The following IL13RA1 variants were observed in gnomAD, a reference collection of about 807,000 sequenced individuals.
The protein encoded by IL13RA1 is interleukin-13 receptor subunit alpha-1.
In IL13RA1, 14 loss-of-function variants were observed where a neutral mutation model predicts 33.8. The ratio of observed to expected loss-of-function variants is 0.41; its 90% confidence interval spans 0.27 to 0.65. The LOEUF (loss-of-function observed/expected upper bound fraction) is 0.65, where lower values mean the gene tolerates loss of function less well. Among genes scored for constraint, IL13RA1 ranks in the 30% least tolerant of loss-of-function variants. IL13RA1 has a pLI of 0.28. For synonymous variants in IL13RA1, 116 were observed against 115.7 expected (o/e 1.00, Z -0.02); for missense variants, 313 against 327.0 (o/e 0.96, Z 0.33).
At chrX:118,733,074 T>C (rs187679998) in intron 1 of IL13RA1, among the ~76,000 whole-genome samples, 1 of 112,395 alleles carries the variant, frequency 8.9e-6, no homozygotes, top group East Asian at 2.8e-4. Flanking sequence ...GTTGCTTCCA[T>C]GTTTTAGCAA....
At chrX:118,763,480 G>A (rs1397925076) in intron 6 of IL13RA1, among the ~76,000 whole-genome samples, 1 of 112,404 alleles carries the variant, frequency 8.9e-6, no homozygotes, top group Non-Finnish European at 1.9e-5. Flanking sequence ...GTAACGCTAA[G>A]ACTTGGATTC....
intron 2 of IL13RA1, among the ~76,000 whole-genome samples, chrX:118,745,204 C>T (rs1336572520): frequency 4.5e-5 from 5 of 111,773 alleles, no homozygotes; most frequent in Non-Finnish European, 9.4e-5. Context: ...TGGTGCATTT[C>T]ATCCCTGTCG....
At chrX:118,728,422 T>G (rs2017180609) in intron 1 of IL13RA1, among the ~76,000 whole-genome samples, 1 of 111,703 alleles carries the variant, frequency 9.0e-6, no homozygotes, top group Admixed American at 9.5e-5. Context: ...TAATTGTAGA[T>G]TTATGGAAAA....
rs776923747 is a variant in IL13RA1 at position 118,728,995 on chromosome X, G to T, written c.88+1269G>T. On this transcript the variant is annotated intron_variant, in intron 1 of 10. Transcript: ENST00000371666. ...AGCTTGTCAGTCAATAATTATTCAG[G>T]TGTCTGCCTTATTTAGTACTGAGTC... Among the ~76,000 whole-genome samples, 12 of 111,933 alleles carry T rather than the reference G, an allele frequency of 1.1e-4. No individual in the cohort carries two copies. The South Asian group carries it at 4.5e-3, about 42-fold the overall frequency.
chrX:118,796,562 G>A (rs1372528381), downstream of IL13RA1, among the ~76,000 whole-genome samples: 2 of 111,897 alleles, frequency 1.8e-5, no homozygotes, highest in African/African-American at 6.5e-5. Context: ...TTTGAGACGG[G>A]ATTTTGCTCG....
intron 1 of IL13RA1, among the ~76,000 whole-genome samples, chrX:118,734,611 A>G (rs1174594246): frequency 8.9e-6 from 1 of 112,286 alleles, no homozygotes; most frequent in African/African-American, 3.2e-5. Flanking sequence ...AATGTGGTAT[A>G]TTACATTGAT....
chrX:118,790,747 T>C (rs768909774), intron 10 of IL13RA1, among the ~76,000 whole-genome samples: 1 of 112,066 alleles, frequency 8.9e-6, no homozygotes, highest in South Asian at 3.7e-4. Context: ...TCCCAACTCA[T>C]CCCCTCATCT....
At chrX:118,767,505 C>T (rs890426192) in intron 8 of IL13RA1, among the ~76,000 whole-genome samples, 3 of 110,769 alleles carry the variant, frequency 2.7e-5, no homozygotes, top group African/African-American at 9.9e-5. Flanking sequence ...TGTGCCACTG[C>T]CCTCCAGCCT....
At chrX:118,800,416 C>T in the IL13RA1 span, among the ~76,000 whole-genome samples, 1 of 110,727 alleles carries the variant, frequency 9.0e-6, no homozygotes, top group Non-Finnish European at 1.9e-5. Flanking sequence ...ACGAGCCCAC[C>T]GGGAGGAACG....
intron 8 of IL13RA1, chrX:118,770,320 C>T (rs749845540): frequency 2.4e-4 from 85 of 351,115 alleles, no homozygotes; most frequent in South Asian, 1.2e-3. Flanking sequence ...AGTGCTGGCC[C>T]GGCGAGCCCT....
In IL13RA1 at chrX:118,732,593, C is replaced by T. The variant is rs190569906; in HGVS notation, c.88+4867C>T. On this transcript the variant is annotated intron_variant, in intron 1 of 10. Transcript: ENST00000371666. ...AACAGGCCCCGGTGTGTGATGTTCC[C>T]CTTCCTCTGTCCAAGTGTTCTCAAT... Among the ~76,000 whole-genome samples, 35 of 108,238 alleles carry T rather than the reference C, an allele frequency of 3.2e-4. No homozygotes were observed. In the East Asian group the frequency reaches 5.5e-3, roughly 17 times the overall value. 94.0% of individuals were successfully genotyped at this position (108,238 alleles called of 115,157 possible).
intron 3 of IL13RA1, 120 bp from the exon 4 acceptor site, chrX:118,749,538 A>C: frequency 1.5e-6 from 1 of 674,510 alleles, no homozygotes; most frequent in African/African-American, 2.1e-5. Context: ...TGAGAGATGA[A>C]GCATTTGCTT....
At chrX:118,786,303 A>C (rs1163114937) in intron 10 of IL13RA1, among the ~76,000 whole-genome samples, 3 of 109,511 alleles carry the variant, frequency 2.7e-5, no homozygotes, top group African/African-American at 1.0e-4. Flanking sequence ...AGGCAAGGAG[A>C]ATCGCTTGAA....
chrX:118,774,455 C>A, intron 9 of IL13RA1, among the ~76,000 whole-genome samples: 1 of 112,036 alleles, frequency 8.9e-6, no homozygotes, highest in East Asian at 2.8e-4. Context: ...AGCCGCTATG[C>A]CCACTTTCTA....
chrX:118,787,933 CAG>C (rs2147403979), intron 10 of IL13RA1, among the ~76,000 whole-genome samples: 1 of 111,384 alleles, frequency 9.0e-6, no homozygotes, highest in Non-Finnish European at 1.9e-5. Context: ...GCAATCATCA[CAG>C]GGGCCTGAGG....
intron 2 of IL13RA1, among the ~76,000 whole-genome samples, chrX:118,744,836 AATTTGACTGT>A (rs1253087447): frequency 4.4e-5 from 5 of 112,420 alleles, no homozygotes; most frequent in Non-Finnish European, 9.4e-5. Context: ...TGATGATTCT[AATTTGACTGT>A]ATTTGACTGT....
chrX:118,788,859 C>T (rs1471514699), intron 10 of IL13RA1, among the ~76,000 whole-genome samples: 2 of 111,731 alleles, frequency 1.8e-5, no homozygotes, highest in Non-Finnish European at 3.8e-5. Context: ...AACTCTTTGA[C>T]TGATACAGGC....
At chrX:118,766,309 T>C (rs1254853983) in intron 6 of IL13RA1, among the ~76,000 whole-genome samples, 1 of 111,480 alleles carries the variant, frequency 9.0e-6, no homozygotes, top group Admixed American at 9.6e-5. Flanking sequence ...GAACTGATTT[T>C]GTGAATAGTA....
At chrX:118,804,204 GCATC>G in the IL13RA1 span, among the ~76,000 whole-genome samples, 3 of 110,130 alleles carry the variant, frequency 2.7e-5, no homozygotes, top group Non-Finnish European at 5.7e-5. Flanking sequence ...TGATCCACTT[GCATC>G]AGCCTCCCAA....
Sources: gnomAD v4.1 joint callset for allele counts (sites outside exome capture counted in the v4.1 genomes callset) on GRCh38, gnomAD v4.1.1 for gene constraint, MANE v1.5 for transcripts, NCBI Gene and HGNC (gene_info 2026-07-23, HGNC 2026-07-21) for gene names.